The following ITGA1 variants were observed in gnomAD, a reference collection of about 807,000 sequenced individuals.
ITGA1 encodes the protein integrin subunit alpha 1, also known as integrin alpha-1.
Under a neutral mutation model 145.9 loss-of-function variants are expected in ITGA1, and 85 were observed. The observed-to-expected ratio is 0.58, with a 90% confidence interval of 0.49 to 0.70. The LOEUF (loss-of-function observed/expected upper bound fraction) is 0.70, where lower values mean the gene tolerates loss of function less well. ITGA1 is among the 30% of genes least tolerant of loss of function. The probability of loss-of-function intolerance (pLI) is 0.00; values close to 1 mark genes in which losing one functional copy is unlikely to be tolerated. For synonymous variants in ITGA1, 520 were observed against 495.3 expected (o/e 1.05, Z -0.66); for missense variants, 1,351 against 1,418.7 (o/e 0.95, Z 0.77).
At chr5:52,922,416 C>G (rs1750744794) in intron 17 of ITGA1, among the ~76,000 whole-genome samples, 1 of 152,128 alleles carries the variant, frequency 6.6e-6, no homozygotes, top group African/African-American at 2.4e-5. Flanking sequence ...GGGAAATGTT[C>G]CCGGAAGTGT....
chr5:52,918,582 G>A, intron 15 of ITGA1, 150 bp from the exon 16 acceptor site: 4 of 619,720 alleles, frequency 6.5e-6, no homozygotes, highest in South Asian at 3.1e-5. Flanking sequence ...AATCTCTTCT[G>A]TAACAATGAT....
chr5:52,801,896 T>C lies in ITGA1; in HGVS notation c.61+13482T>C. On this transcript the variant is annotated intron_variant, in intron 1 of 28. Transcript: ENST00000282588. ...TGTTTCCTAAACTGTTACAGTACATTTCTCAGCATCCTTGTGACAGAAAGC... is the reference window on the plus strand; with the variant it reads ...TGTTTCCTAAACTGTTACAGTACATCTCTCAGCATCCTTGTGACAGAAAGC... 2.3e-6 allele frequency: 3 copies of C among 1,317,438 alleles called. No homozygotes were observed. The South Asian group carries it at 4.4e-5, about 19-fold the overall frequency. 81.6% of individuals were successfully genotyped at this position (1,317,438 alleles called of 1,614,324 possible). A position where few individuals can be genotyped will look rare whatever the true frequency, so the allele number is the denominator to read the frequency against.
At chr5:52,933,185 C>G (rs1750917333) in intron 22 of ITGA1, 1 of 151,834 alleles carries the variant, frequency 6.6e-6, no homozygotes, top group Non-Finnish European at 1.5e-5. Flanking sequence ...ATCTATGGCA[C>G]TCTCTCTTTA....
intron 1 of ITGA1, among the ~76,000 whole-genome samples, chr5:52,832,786 TG>T (rs1749094227): frequency 6.9e-6 from 1 of 145,252 alleles, no homozygotes; most frequent in African/African-American, 2.6e-5. Flanking sequence ...TGTGTGTGTG[TG>T]TGTGTGTGTG....
intron 12 of ITGA1, among the ~76,000 whole-genome samples, chr5:52,906,912 G>GC (rs1190968035): frequency 2.0e-5 from 3 of 152,202 alleles, no homozygotes; most frequent in Non-Finnish European, 2.9e-5. Flanking sequence ...CCCATGCCCT[G>GC]CAGGAGCAGT....
At chr5:52,912,273 A>T (rs1255324690) in intron 14 of ITGA1, among the ~76,000 whole-genome samples, 1 of 144,722 alleles carries the variant, frequency 6.9e-6, no homozygotes, top group Non-Finnish European at 1.5e-5. Flanking sequence ...TGTATCTACT[A>T]TATACTATAT....
intron 2 of ITGA1, among the ~76,000 whole-genome samples, chr5:52,856,680 CAG>C (rs137879951): frequency 0.015 from 2,197 of 147,694 alleles, 36 homozygotes; most frequent in African/African-American, 0.039. Flanking sequence ...GAAAAAGAGA[CAG>C]AGAGAGAGAG....
At position 52,939,690 on chromosome 5, in the gene ITGA1, TG is replaced by T; in HGVS notation, c.3180+1del. The T allele has an allele frequency of 6.2e-7, 1 of 1,604,656 alleles. No individual in the cohort carries two copies. Among genetic ancestry groups the T allele is most frequent in the East Asian group, 2.2e-5 (1 of 44,772 alleles). Reference sequence around the variant, plus strand: ...GACCATCTCAAACGAGGCACAATTCTGGTAAATTAAGACAAGTGCTATTTTT... The same window carrying T: ...GACCATCTCAAACGAGGCACAATTCTGTAAATTAAGACAAGTGCTATTTTT... The part of the protein sequence containing the change: ...STDHLKRGTI[L>X]DCNTCKFATI... On this transcript the variant is annotated frameshift_variant and splice_region_variant, in exon 25 of 29. Transcript: ENST00000282588. LOFTEE classifies it high-confidence loss of function.
intron 1 of ITGA1, among the ~76,000 whole-genome samples, chr5:52,812,788 GCTTTTTTTTT>G: frequency 1.0e-5 from 1 of 97,582 alleles, no homozygotes; most frequent in Non-Finnish European, 2.0e-5. Context: ...CCTTCTTATC[GCTTTTTTTTT>G]TTTTTTTTTT....
chr5:52,843,203 T>C lies in ITGA1; in HGVS notation c.62-6162T>C, dbSNP rs376240600. ...ACCATTCACTGTAAAAACATAATTATGATTATATCTTGTCTTAATCTTATG... is the reference window on the plus strand; with the variant it reads ...ACCATTCACTGTAAAAACATAATTACGATTATATCTTGTCTTAATCTTATG... On this transcript the variant is annotated intron_variant, in intron 1 of 28. Transcript: ENST00000282588. Among the ~76,000 whole-genome samples the C allele has an allele frequency of 5.4e-3, 822 of 152,314 alleles. 4 individuals carry two copies. The highest frequency in any genetic ancestry group is 9.1e-3 in the Non-Finnish European group (622 of 68,020).
chr5:52,952,466 G>T lies in ITGA1; in HGVS notation c.*15G>T, dbSNP rs1360385429. 2 of 1,152,314 alleles carry T rather than the reference G, an allele frequency of 1.7e-6. No homozygotes were observed. The highest frequency in any genetic ancestry group is 5.3e-5 in the East Asian group (2 of 37,950). 71.4% of individuals were successfully genotyped at this position (1,152,314 alleles called of 1,614,324 possible). A position where few individuals can be genotyped will look rare whatever the true frequency, so the allele number is the denominator to read the frequency against. ...TGGAGAAATGAAATATTTTATGAAA[G>T]AAAATAATAACAATTATTCAATAAT... On this transcript the variant is annotated 3_prime_UTR_variant, in exon 29 of 29. Coordinates refer to ENST00000282588, the MANE Select transcript of ITGA1 (RefSeq NM_181501.2).
At chr5:52,852,944 A>G (rs1056569311) in intron 2 of ITGA1, among the ~76,000 whole-genome samples, 8 of 152,126 alleles carry the variant, frequency 5.3e-5, no homozygotes, top group Non-Finnish European at 1.0e-4. Flanking sequence ...GCTGTAATAG[A>G]TTTCATCTCT....
intron 1 of ITGA1, among the ~76,000 whole-genome samples, chr5:52,807,468 G>A (rs116727153): frequency 1.5e-3 from 226 of 152,090 alleles, no homozygotes; most frequent in Non-Finnish European, 2.4e-3. Flanking sequence ...ACAGTTAGTG[G>A]GTGTGATGAG....
At chr5:52,861,737 G>A (rs568797403) in intron 3 of ITGA1, among the ~76,000 whole-genome samples, 178 bp downstream of exon 3, 2 of 151,946 alleles carry the variant, frequency 1.3e-5, no homozygotes, top group African/African-American at 4.8e-5. Context: ...GGATGGGGTG[G>A]TGCACTACTG....
At chr5:52,915,414 T>C (rs1156338493) in intron 14 of ITGA1, 50 bp from the exon 15 acceptor site, 1 of 1,573,402 alleles carries the variant, frequency 6.4e-7, no homozygotes, top group Non-Finnish European at 8.7e-7. Flanking sequence ...TTTGAAACTG[T>C]TTTGAACAGA....
At chr5:52,949,922 G>T (rs1751193374) in intron 28 of ITGA1, among the ~76,000 whole-genome samples, 1 of 152,062 alleles carries the variant, frequency 6.6e-6, no homozygotes, top group East Asian at 1.9e-4. Context: ...TTCCTTTCCT[G>T]AATCCCACCA....
chr5:52,815,694 A>G (rs987013892), intron 1 of ITGA1, among the ~76,000 whole-genome samples: 1 of 152,232 alleles, frequency 6.6e-6, no homozygotes, highest in Admixed American at 6.5e-5. Flanking sequence ...ATAGCCTTGA[A>G]TATCAATGAA....
chr5:52,863,362 T>C (rs374014629), intron 3 of ITGA1, among the ~76,000 whole-genome samples: 130 of 152,210 alleles, frequency 8.5e-4, no homozygotes, highest in African/African-American at 3.1e-3. Flanking sequence ...ACTCTCCTCC[T>C]CATTTTGCAG....
intron 17 of ITGA1, 28 bp from the exon 18 acceptor site, chr5:52,922,749 G>C: frequency 7.3e-7 from 1 of 1,361,972 alleles, no homozygotes; most frequent in Non-Finnish European, 1.0e-6. Context: ...TATGATACCA[G>C]TGATATATTT....
Sources: gnomAD v4.1 joint callset for allele counts (sites outside exome capture counted in the v4.1 genomes callset) on GRCh38, gnomAD v4.1.1 for gene constraint, MANE v1.5 for transcripts, NCBI Gene and HGNC (gene_info 2026-07-23, HGNC 2026-07-21) for gene names.